Variants in SEPTIN9 observed in about 807,000 individuals in gnomAD.
SEPTIN9 encodes the protein septin-9.
A neutral mutation model predicts 56.6 loss-of-function variants in SEPTIN9; 13 were observed. That is an observed-to-expected ratio of 0.23 (90% CI 0.15 to 0.37). SEPTIN9 has a LOEUF of 0.37. SEPTIN9 is among the 10% of genes least tolerant of loss of function. SEPTIN9 has a pLI of 1.00. For synonymous variants in SEPTIN9, 332 were observed against 334.1 expected (o/e 0.99, Z 0.07); for missense variants, 650 against 823.1 (o/e 0.79, Z 2.57).
chr17:77,402,393 G>T lies in SEPTIN9; in HGVS notation c.411G>T (p.Val137=). Residue 137 remains valine, a synonymous_variant, in exon 3 of 12, where the codon GTG becomes GTT. Transcript: ENST00000427177. This position sits in a 1 kb window ranked among gnomAD's most constrained non-coding sequence, Gnocchi z 6.6. The stretch of plus-strand genomic sequence containing the variant: ...GGTTCGGGCTCAAGAGGGCCGAGGT[G>T]TTGGGCCACAAGACGCCAGAACCGG... The part of the protein sequence containing the change: ...PSRFGLKRAE[V]LGHKTPEPAP... 6.2e-7 allele frequency: 1 copy of T among 1,611,672 alleles called. No individual in the cohort carries two copies. Among genetic ancestry groups the T allele is most frequent in the Non-Finnish European group, 8.5e-7 (1 of 1,179,408 alleles).
intron 1 of SEPTIN9, among the ~76,000 whole-genome samples, chr17:77,303,739 GC>G (rs1460610885): frequency 6.6e-6 from 1 of 151,874 alleles, no homozygotes; most frequent in Non-Finnish European, 1.5e-5. Flanking sequence ...TTAATTTTGT[GC>G]CAGGCACTGT....
At chr17:77,283,829 A>G (rs935507009) in intron 1 of SEPTIN9, among the ~76,000 whole-genome samples, 1 of 152,220 alleles carries the variant, frequency 6.6e-6, no homozygotes, top group African/African-American at 2.4e-5. Flanking sequence ...CTGGGCACAC[A>G]TGGCCAAGTC....
chr17:77,358,796 C>T (rs2034331453), intron 2 of SEPTIN9, among the ~76,000 whole-genome samples: 2 of 152,186 alleles, frequency 1.3e-5, no homozygotes, highest in Admixed American at 6.5e-5. Context: ...GATGAGACCC[C>T]TGCCCTGCCA....
Position 77,313,185 on chromosome 17 carries a change from C to A in SEPTIN9, c.76+5988C>A, listed in dbSNP as rs192054413. ...CAAGGGCCCTTGGCCTCTGCACCCC[C>A]AGACCTCCCTCGCTCTGCAGGGGCA... On this transcript the variant is annotated intron_variant, in intron 2 of 11. Transcript: ENST00000427177. The surrounding 1 kb of genome is among the most constrained non-coding windows in gnomAD (Gnocchi z 4.5). Among the ~76,000 whole-genome samples, 2 of 152,394 alleles carry A rather than the reference C, an allele frequency of 1.3e-5. No individual in the cohort carries two copies. The highest frequency in any genetic ancestry group is 6.5e-5 in the Admixed American group (1 of 15,312).
intron 1 of SEPTIN9, among the ~76,000 whole-genome samples, chr17:77,296,789 G>T (rs889780728): frequency 6.6e-6 from 1 of 152,108 alleles, no homozygotes; most frequent in African/African-American, 2.4e-5. Flanking sequence ...GGAGGTGGAG[G>T]TTGCAGTGAG....
rs867232205 is a variant in SEPTIN9, at chr17:77,453,704, C to G, written c.722-28440C>G. 6.6e-6 allele frequency: 1 copy of G among 152,304 alleles called. No homozygotes were observed. The highest frequency in any genetic ancestry group is 1.5e-5 in the Non-Finnish European group (1 of 68,098). 9.4% of individuals were successfully genotyped at this position (152,304 alleles called of 1,614,324 possible). On this transcript the variant is annotated intron_variant, in intron 3 of 11. Transcript: ENST00000427177. This position sits in a 1 kb window ranked among gnomAD's most constrained non-coding sequence, Gnocchi z 4.4. ...GGACTTTCACCCCGGAAGCCCTAGA[C>G]CCACTTGGGCAACCAGAGTCTCTGG...
At chr17:77,302,523 C>G (rs1283134673) in intron 1 of SEPTIN9, among the ~76,000 whole-genome samples, 1 of 150,458 alleles carries the variant, frequency 6.6e-6, no homozygotes, top group African/African-American at 2.5e-5. Context: ...ACTAAAAATA[C>G]AAAAATTAGC....
chr17:77,338,961 A>T (rs1441816234), intron 2 of SEPTIN9, among the ~76,000 whole-genome samples: 1 of 152,150 alleles, frequency 6.6e-6, no homozygotes, highest in Non-Finnish European at 1.5e-5. Context: ...CATCTCCAGG[A>T]ACCACTTTGT....
intron 7 of SEPTIN9, among the ~76,000 whole-genome samples, chr17:77,489,366 T>C (rs1276385460): frequency 6.6e-6 from 1 of 152,192 alleles, no homozygotes; most frequent in Non-Finnish European, 1.5e-5. Context: ...CCGCCGGCTC[T>C]GTCCGCACCT....
chr17:77,334,642 A>G (rs1474558830), intron 2 of SEPTIN9, among the ~76,000 whole-genome samples: 1 of 151,990 alleles, frequency 6.6e-6, no homozygotes, highest in Admixed American at 6.6e-5. Context: ...TGACCTATGG[A>G]GGAAATCTTT....
At chr17:77,408,846 A>G (rs2036187343) in intron 3 of SEPTIN9, among the ~76,000 whole-genome samples, 1 of 152,164 alleles carries the variant, frequency 6.6e-6, no homozygotes, top group African/African-American at 2.4e-5. Flanking sequence ...GACACCCCAC[A>G]TAGGCTCTGA....
rs910695173 is a variant in SEPTIN9 at position 77,371,945 on chromosome 17, C to T, written c.77-30114C>T. ...ACATTTTCCGCAAGAGACCCCCTGC[C>T]CCCCGCCTCTCCAGAATGGCTGGAG... On this transcript the variant is annotated intron_variant, in intron 2 of 11. Transcript: ENST00000427177. The surrounding 1 kb of genome is among the most constrained non-coding windows in gnomAD (Gnocchi z 4.1). Among the ~76,000 whole-genome samples the T allele has an allele frequency of 6.6e-5, 10 of 152,118 alleles. No homozygotes were observed. Among genetic ancestry groups the T allele is most frequent in the Admixed American group, 1.3e-4 (2 of 15,278 alleles).
rs1233700414 is a variant in SEPTIN9, at chr17:77,313,824, A to G, written c.76+6627A>G. Among the ~76,000 whole-genome samples, 1 of 151,956 alleles carries G rather than the reference A, an allele frequency of 6.6e-6. No homozygotes were observed. The highest frequency in any genetic ancestry group is 6.6e-5 in the Admixed American group (1 of 15,252). On this transcript the variant is annotated intron_variant, in intron 2 of 11. Coordinates refer to ENST00000427177, the MANE Select transcript of SEPTIN9 (RefSeq NM_001113491.2). This position sits in a 1 kb window ranked among gnomAD's most constrained non-coding sequence, Gnocchi z 4.5. The stretch of plus-strand genomic sequence containing the variant: ...TAGCTCACTGCAGCCTCAACCTGCC[A>G]GGCTCAAGGGATCCTCCTGCCTTAG...
intron 11 of SEPTIN9, among the ~76,000 whole-genome samples, chr17:77,498,131 T>C (rs928341931): frequency 2.0e-5 from 3 of 151,828 alleles, no homozygotes; most frequent in Admixed American, 1.3e-4. Flanking sequence ...TGGAGGCCGG[T>C]GGTCACCCAC....
intron 2 of SEPTIN9, among the ~76,000 whole-genome samples, chr17:77,345,493 G>C (rs2033862676): frequency 6.6e-6 from 1 of 152,180 alleles, no homozygotes; most frequent in South Asian, 2.1e-4. Context: ...GTAACAAAAA[G>C]GTTCTTGCCA....
At chr17:77,418,829 C>A (rs2036594085) in intron 3 of SEPTIN9, among the ~76,000 whole-genome samples, 1 of 152,170 alleles carries the variant, frequency 6.6e-6, no homozygotes, top group South Asian at 2.1e-4. Context: ...GGCCGTGCTT[C>A]CAGGCTGGAC....
intron 8 of SEPTIN9, among the ~76,000 whole-genome samples, chr17:77,491,799 C>T (rs376293047): frequency 8.0e-6 from 1 of 125,244 alleles, no homozygotes; most frequent in Non-Finnish European, 1.6e-5. Flanking sequence ...GAGCGAGACT[C>T]CATCTCAAAA....
At chr17:77,432,464 G>C (rs2037181263) in intron 3 of SEPTIN9, among the ~76,000 whole-genome samples, 1 of 152,246 alleles carries the variant, frequency 6.6e-6, no homozygotes, top group African/African-American at 2.4e-5. Flanking sequence ...CTGGTGCTGA[G>C]AACGGGGGTA....
intron 2 of SEPTIN9, among the ~76,000 whole-genome samples, chr17:77,355,309 C>T (rs544341500): frequency 2.0e-5 from 3 of 152,284 alleles, no homozygotes; most frequent in East Asian, 3.9e-4. Context: ...GGATTGCCAG[C>T]GCCTGTTGCT....
Sources: allele counts gnomAD v4.1 joint callset (sites outside exome capture counted in the v4.1 genomes callset), GRCh38; gene constraint gnomAD v4.1.1; non-coding constraint Gnocchi (gnomAD v3.1); transcripts MANE v1.5; gene names NCBI Gene and HGNC (gene_info 2026-07-23, HGNC 2026-07-21).